Variants in SPATA6 observed in about 807,000 individuals in gnomAD.
SPATA6 encodes the protein spermatogenesis-associated protein 6.
Under a neutral mutation model 65.3 loss-of-function variants are expected in SPATA6, and 56 were observed. The observed-to-expected ratio is 0.86, with a 90% CI of 0.69 to 1.07. The LOEUF (loss-of-function observed/expected upper bound fraction) is 1.07. Among genes scored for constraint, SPATA6 ranks in the 50% least tolerant of loss-of-function variants. The probability of loss-of-function intolerance (pLI) is 0.00; values close to 1 mark genes in which losing one functional copy is unlikely to be tolerated. For missense variants in SPATA6, 590 were observed against 594.8 expected, an observed-to-expected ratio of 0.99 and a Z score of 0.08; for synonymous variants, 199 against 213.2, an observed-to-expected ratio of 0.93 and a Z score of 0.58.
intron 11 of SPATA6, among the ~76,000 whole-genome samples, chr1:48,317,377 G>A (rs1645463487): frequency 6.6e-6 from 1 of 152,120 alleles, no homozygotes; most frequent in South Asian, 2.1e-4. Context: ...GTCCTTTGTA[G>A]GGACATGGAT....
intron 11 of SPATA6, among the ~76,000 whole-genome samples, chr1:48,336,766 A>G (rs1247998064): frequency 6.6e-6 from 1 of 152,004 alleles, no homozygotes; most frequent in African/African-American, 2.4e-5. Flanking sequence ...CTGTACATGT[A>G]CCACTGAACC....
chr1:48,367,767 CT>C (rs1310204942), intron 9 of SPATA6, among the ~76,000 whole-genome samples: 1 of 152,154 alleles, frequency 6.6e-6, no homozygotes, highest in African/African-American at 2.4e-5. Context: ...CAGTCTGTGT[CT>C]TTTAATTGGA....
At chr1:48,291,196 G>T (rs1310215386), downstream of SPATA6, among the ~76,000 whole-genome samples, 2 of 152,214 alleles carry the variant, frequency 1.3e-5, no homozygotes, top group African/African-American at 4.8e-5. Context: ...AAGTTCACTG[G>T]TTTTGTGTTG....
rs1386696796 is a variant in SPATA6 at position 48,436,269 on chromosome 1, G to A, written c.238+15283C>T. ...TGGAAAACTGCAATGAAGAACGCCT[G>A]AAAGCTTTACAGAAAGCCGTGATTC... On this transcript the variant is annotated intron_variant, in intron 3 of 12. Coordinates refer to ENST00000371847, the MANE Select transcript of SPATA6 (RefSeq NM_019073.4). 8 of 1,613,706 alleles carry A rather than the reference G, an allele frequency of 5.0e-6. No individual in the cohort carries two copies. In the African/African-American group the frequency reaches 8.0e-5, roughly 16 times the overall value.
chr1:48,349,655 A>G (rs956278942), intron 11 of SPATA6, among the ~76,000 whole-genome samples: 13 of 151,924 alleles, frequency 8.6e-5, no homozygotes, highest in Admixed American at 3.3e-4. Context: ...TCTCTTTTGT[A>G]GTCAACATCT....
At chr1:48,399,142 C>A (rs1486165978) in intron 7 of SPATA6, 2 of 545,604 alleles carry the variant, frequency 3.7e-6, no homozygotes, top group African/African-American at 1.9e-5. Flanking sequence ...GCATTCATAA[C>A]ACAGCTTGAT....
At chr1:48,437,211 C>G (rs1388254198) in intron 3 of SPATA6, 1 of 1,612,248 alleles carries the variant, frequency 6.2e-7, no homozygotes, top group African/African-American at 1.3e-5. Context: ...AAGACTCATA[C>G]TTGGAATTCT....
intron 3 of SPATA6, among the ~76,000 whole-genome samples, chr1:48,435,124 A>G (rs1014599227): frequency 1.3e-5 from 2 of 152,190 alleles, no homozygotes; most frequent in African/African-American, 4.8e-5. Context: ...TTCTATAATA[A>G]TACTAATGTA....
chr1:48,411,334 T>C, intron 5 of SPATA6, 130 bp downstream of exon 5: 1 of 1,067,880 alleles, frequency 9.4e-7, no homozygotes. Context: ...AGATTTAAAC[T>C]ACAAAACAAT....
At chr1:48,451,642 A>G (rs1189936554) in intron 2 of SPATA6, 42 bp from the exon 3 acceptor site, 8 of 1,572,692 alleles carry the variant, frequency 5.1e-6, no homozygotes, top group African/African-American at 1.4e-5. Context: ...AGGAAGATAT[A>G]TATTTTTTTT....
the SPATA6 span, among the ~76,000 whole-genome samples, chr1:48,286,032 G>A: frequency 6.6e-6 from 1 of 152,094 alleles, no homozygotes; most frequent in Admixed American, 6.5e-5. Context: ...TGATCCATGT[G>A]TCTGCTTTTA....
At chr1:48,439,960 A>C (rs1570583849) in intron 3 of SPATA6, among the ~76,000 whole-genome samples, 2 of 152,312 alleles carry the variant, frequency 1.3e-5, no homozygotes, top group Admixed American at 1.3e-4. Context: ...AATGGAGTGA[A>C]ACACCTTATG....
At chr1:48,277,800 C>A in the SPATA6 span, among the ~76,000 whole-genome samples, 7 of 152,364 alleles carry the variant, frequency 4.6e-5, no homozygotes, top group Non-Finnish European at 7.3e-5. Context: ...ACTTAAATGT[C>A]CCTCTCTGAC....
In SPATA6 at chr1:48,349,546, A is replaced by G. The variant is rs145976778; in HGVS notation, c.1194+6124T>C. Among the ~76,000 whole-genome samples, 137 of 152,032 alleles carry G rather than the reference A, an allele frequency of 9.0e-4. 1 individual carries two copies. Among genetic ancestry groups the G allele is most frequent in the African/African-American group, 3.2e-3 (134 of 41,534 alleles). On this transcript the variant is annotated intron_variant, in intron 11 of 12. Transcript: ENST00000371847. The stretch of plus-strand genomic sequence containing the variant: ...TATAGTAAAGTTAACTCTGATGTAC[A>G]TATCTATGAGTTTTGACAAATGCAT...
At chr1:48,357,324 T>C (rs887541105) in intron 10 of SPATA6, among the ~76,000 whole-genome samples, 6 of 152,108 alleles carry the variant, frequency 3.9e-5, no homozygotes, top group African/African-American at 1.2e-4. Flanking sequence ...ATTGAAACCA[T>C]TTTATGTTGT....
downstream of SPATA6, among the ~76,000 whole-genome samples, chr1:48,293,682 T>A (rs1256277300): frequency 1.3e-5 from 2 of 152,222 alleles, 1 homozygote; most frequent in Non-Finnish European, 2.9e-5. Context: ...CTGTTCTGTG[T>A]TAGCTTATTT....
At chr1:48,274,419 C>T in the SPATA6 span, among the ~76,000 whole-genome samples, 6 of 152,160 alleles carry the variant, frequency 3.9e-5, no homozygotes, top group African/African-American at 1.4e-4. Context: ...TTTGCCCAGA[C>T]TTATGTCCTG....
intron 3 of SPATA6, among the ~76,000 whole-genome samples, chr1:48,444,087 G>A (rs1158700960): frequency 6.6e-6 from 1 of 152,224 alleles, no homozygotes; most frequent in Non-Finnish European, 1.5e-5. Flanking sequence ...CCTGTTTAGA[G>A]AGGGGACTGA....
the SPATA6 span, among the ~76,000 whole-genome samples, chr1:48,277,699 A>C: frequency 4.5e-3 from 685 of 152,358 alleles, 17 homozygotes; most frequent in South Asian, 0.05. Flanking sequence ...GGTGGAGCCC[A>C]CCACAGCTCA....
Sources: gnomAD v4.1 joint callset for allele counts (sites outside exome capture counted in the v4.1 genomes callset) on GRCh38, gnomAD v4.1.1 for gene constraint, MANE v1.5 for transcripts, NCBI Gene and HGNC (gene_info 2026-07-23, HGNC 2026-07-21) for gene names.